CAMK2D: variants seen among roughly 807,000 people sequenced by gnomAD.
CAMK2D encodes the protein calcium/calmodulin dependent protein kinase II delta.
CAMK2D carries 37 observed loss-of-function variants against 84.0 expected under a neutral mutation model. The observed-to-expected ratio is 0.44, with a 90% CI of 0.34 to 0.58. The LOEUF is 0.58. Ranked by LOEUF, CAMK2D falls within the 20% of genes least tolerant of loss-of-function variation. CAMK2D has a pLI of 0.02. For missense variants in CAMK2D, 448 were observed against 652.5 expected (o/e 0.69, Z 3.41); for synonymous variants, 202 against 212.5 (o/e 0.95, Z 0.43).
intron 9 of CAMK2D, among the ~76,000 whole-genome samples, chr4:113,515,846 C>A (rs2098277063): frequency 6.6e-6 from 1 of 152,168 alleles, no homozygotes; most frequent in African/African-American, 2.4e-5. Context: ...TGAAAGTAAT[C>A]AAATCTTATA....
In CAMK2D at chr4:113,516,463, C is replaced by T. The variant is rs192127361; in HGVS notation, c.696+1100G>A. The stretch of plus-strand genomic sequence containing the variant: ...AAGCAGTGCATTTTCAGGGCTACGT[C>T]TGCCCAGAGAGGGGCTGGTTCTAGT... On this transcript the variant is annotated intron_variant, in intron 9 of 20. Transcript: ENST00000511664. 1.8e-3 allele frequency among the ~76,000 whole-genome samples: 277 copies of T among 152,280 alleles called. 1 individual carries two copies. Among genetic ancestry groups the T allele is most frequent in the Non-Finnish European group, 3.3e-3 (223 of 68,018 alleles).
At chr4:113,472,363 C>A (rs2154119186) in intron 16 of CAMK2D, among the ~76,000 whole-genome samples, 1 of 152,280 alleles carries the variant, frequency 6.6e-6, no homozygotes, top group Non-Finnish European at 1.5e-5. Flanking sequence ...GCTGAGAAGG[C>A]ACCTTGGATA....
At chr4:113,486,313 T>C (rs2097765457) in intron 16 of CAMK2D, among the ~76,000 whole-genome samples, 1 of 151,894 alleles carries the variant, frequency 6.6e-6, no homozygotes. Flanking sequence ...TTTGTAGAGA[T>C]GGGGTCTTGT....
Position 113,668,788 on chromosome 4 carries a change from T to C in CAMK2D, c.161-7016A>G, listed in dbSNP as rs980113465. 5.3e-5 allele frequency among the ~76,000 whole-genome samples: 8 copies of C among 152,244 alleles called. No individual in the cohort carries two copies. The East Asian group carries it at 9.6e-4, about 18-fold the overall frequency. On this transcript the variant is annotated intron_variant, in intron 2 of 20. Transcript: ENST00000511664. ...TATGCTAAACATCTCAAAAATAATATAGAAAAAACTATTATTTGTCTGAGT... is the reference window on the plus strand; with the variant it reads ...TATGCTAAACATCTCAAAAATAATACAGAAAAAACTATTATTTGTCTGAGT...
chr4:113,668,275 A>G (rs1028077289), intron 2 of CAMK2D, among the ~76,000 whole-genome samples: 13 of 152,316 alleles, frequency 8.5e-5, no homozygotes, highest in Admixed American at 3.3e-4. Context: ...AACACTAGAC[A>G]CACTGTAAGA....
rs528822843 is a variant in CAMK2D, at chr4:113,454,096, A to AC, written c.*448_*449insG. On this transcript the variant is annotated 3_prime_UTR_variant, in exon 21 of 21. Transcript: ENST00000511664. ...ATTTTTTTTTTACCTTAAAAAAAAA[A>AC]AAAAAAACCAAACAAACCAAAACAG... 1.3e-5 allele frequency: 2 copies of AC among 152,754 alleles called. No individual in the cohort carries two copies. The highest frequency in any genetic ancestry group is 4.2e-4 in the South Asian group (2 of 4,812). The allele number at this position is 152,754 out of a possible 1,614,324, so 9.5% of individuals were successfully genotyped here. A position where few individuals can be genotyped will look rare whatever the true frequency, so the allele number is the denominator to read the frequency against.
chr4:113,625,548 A>G (rs10023113), intron 3 of CAMK2D, among the ~76,000 whole-genome samples: 27,299 of 152,102 alleles, frequency 0.18, 2,962 homozygotes, highest in African/African-American at 0.3. Flanking sequence ...TGGAAGATAG[A>G]CAAAAGCAAA....
At chr4:113,546,019 T>C (rs1395765446) in intron 6 of CAMK2D, among the ~76,000 whole-genome samples, 1 of 152,228 alleles carries the variant, frequency 6.6e-6, no homozygotes, top group Non-Finnish European at 1.5e-5. Flanking sequence ...TGATTCCAGA[T>C]GTTTAGAGAA....
chr4:113,685,294 A>G (rs564785337), intron 2 of CAMK2D, among the ~76,000 whole-genome samples: 1 of 144,576 alleles, frequency 6.9e-6, no homozygotes, highest in Non-Finnish European at 1.5e-5. Context: ...GCTGGAGTGG[A>G]GTGGCGCGAT....
chr4:113,537,718 T>G (rs1247168998), intron 6 of CAMK2D, among the ~76,000 whole-genome samples: 1 of 152,212 alleles, frequency 6.6e-6, no homozygotes, highest in Non-Finnish European at 1.5e-5. Flanking sequence ...TGAGAGCACC[T>G]GTCTTGACCT....
At chr4:113,755,173 T>TATACACACACACACACACACAC (rs71582195) in intron 2 of CAMK2D, 1 of 163,434 alleles carries the variant, frequency 6.1e-6, no homozygotes, top group African/African-American at 2.7e-5. Flanking sequence ...TACTTAGGGA[T>TATACACACACACACACACACAC]ACACACACAC....
At chr4:113,596,966 C>T (rs901535729) in intron 4 of CAMK2D, among the ~76,000 whole-genome samples, 3 of 151,990 alleles carry the variant, frequency 2.0e-5, no homozygotes, top group Non-Finnish European at 2.9e-5. Context: ...ATTACAGGTG[C>T]TCACCACCAG....
chr4:113,453,918 A>G lies in CAMK2D; in HGVS notation c.*627T>C, dbSNP rs562689362. The G allele has an allele frequency of 1.3e-5, 2 of 152,696 alleles. No individual in the cohort carries two copies. The highest frequency in any genetic ancestry group is 1.3e-4 in the Admixed American group (2 of 15,288). 9.5% of individuals were successfully genotyped at this position (152,696 alleles called of 1,614,324 possible). Reference sequence around the variant, plus strand: ...TTTACACAGTTTGACCAAAAACAGCATGGCTTTATGTGGTAGCAAACCAAC... The same window carrying G: ...TTTACACAGTTTGACCAAAAACAGCGTGGCTTTATGTGGTAGCAAACCAAC... On this transcript the variant is annotated 3_prime_UTR_variant, in exon 21 of 21. Coordinates refer to ENST00000511664, the MANE Select transcript of CAMK2D (RefSeq NM_001321571.2).
At chr4:113,759,192 T>C (rs1035133081) in intron 2 of CAMK2D, 128 bp downstream of exon 2, 10 of 510,752 alleles carry the variant, frequency 2.0e-5, no homozygotes, top group Non-Finnish European at 3.1e-5. Flanking sequence ...GAAAATAATC[T>C]TAATATATAA....
intron 4 of CAMK2D, among the ~76,000 whole-genome samples, chr4:113,580,607 A>T (rs62315018): frequency 0.25 from 38,392 of 152,100 alleles, 5,652 homozygotes; most frequent in Middle Eastern, 0.34. Context: ...TTAAGAGATC[A>T]GACTCAGAAG....
intron 2 of CAMK2D, among the ~76,000 whole-genome samples, chr4:113,688,910 C>CAAAAAAAAAAAAAAAAAAAAAAAAGAAAA (rs34196728): frequency 8.0e-5 from 4 of 49,716 alleles, no homozygotes; most frequent in African/African-American, 7.6e-5. Flanking sequence ...AAAGAAGATG[C>CAAAAAAAAAAAAAAAAAAAAAAAAGAAAA]AAAAAAAAAA....
At chr4:113,678,173 A>T (rs2099326740) in intron 2 of CAMK2D, among the ~76,000 whole-genome samples, 1 of 152,170 alleles carries the variant, frequency 6.6e-6, no homozygotes, top group Non-Finnish European at 1.5e-5. Flanking sequence ...TAATAAGAAT[A>T]GTTCTATGAA....
chr4:113,575,151 A>G (rs2098774560), intron 4 of CAMK2D, among the ~76,000 whole-genome samples: 1 of 152,152 alleles, frequency 6.6e-6, no homozygotes, highest in Non-Finnish European at 1.5e-5. Flanking sequence ...TATTCTACTC[A>G]TTTGCTGTCT....
rs2097279087 is a variant in CAMK2D, at chr4:113,454,283, T to C, written c.*262A>G. 6 of 363,738 alleles carry C rather than the reference T, an allele frequency of 1.6e-5. No individual in the cohort carries two copies. The highest frequency in any genetic ancestry group is 1.1e-4 in the African/African-American group (5 of 47,524). The allele number at this position is 363,738 out of a possible 1,614,324, so 22.5% of individuals were successfully genotyped here. A position where few individuals can be genotyped will look rare whatever the true frequency, so the allele number is the denominator to read the frequency against. ...TTTTTTTTTGTCTAATCTCCCCCTATTGTTTTGCCAACAGTAATTTAAGTT... is the reference window on the plus strand; with the variant it reads ...TTTTTTTTTGTCTAATCTCCCCCTACTGTTTTGCCAACAGTAATTTAAGTT... On this transcript the variant is annotated 3_prime_UTR_variant, in exon 21 of 21. Coordinates refer to ENST00000511664, the MANE Select transcript of CAMK2D (RefSeq NM_001321571.2).
Sources: gnomAD v4.1 joint callset for allele counts (sites outside exome capture counted in the v4.1 genomes callset) on GRCh38, gnomAD v4.1.1 for gene constraint, MANE v1.5 for transcripts, NCBI Gene and HGNC (gene_info 2026-07-23, HGNC 2026-07-21) for gene names.